The following NFATC1 variants were observed in gnomAD, a reference collection of about 807,000 sequenced individuals.
NFATC1 encodes the protein nuclear factor of activated T-cells, cytoplasmic 1.
NFATC1 carries 22 observed loss-of-function variants against 76.0 expected under a neutral mutation model. That is an observed-to-expected ratio of 0.29 (90% CI 0.21 to 0.41). NFATC1 has a LOEUF of 0.41. Ranked by LOEUF, NFATC1 falls within the 10% of genes least tolerant of loss-of-function variation. NFATC1 has a pLI of 1.00. For synonymous variants in NFATC1, 704 were observed against 613.1 expected (o/e 1.15, Z -2.19); for missense variants, 1,357 against 1,337.7 (o/e 1.01, Z -0.23).
rs1476888078 is a variant in NFATC1, at chr18:79,396,253, C to T, written c.29C>T (p.Ser10Phe). 1.3e-6 allele frequency: 2 copies of T among 1,496,740 alleles called. No homozygotes were observed. 92.7% of individuals were successfully genotyped at this position (1,496,740 alleles called of 1,614,324 possible). The stretch of plus-strand genomic sequence containing the variant: ...CCAAGCACCAGCTTTCCAGTCCCTT[C>T]CAAGTTTCCACTTGGCCCTGCGGCT... MPSTSFPVP[S>F]KFPLGPAAAV... is the part of the protein sequence containing the mutation. The change falls in exon 1 of 10, where the codon TCC (serine) becomes TTC (phenylalanine). Residue 10 changes from serine (S) to phenylalanine (F), a missense_variant. This residue lies in a region of NFATC1 where 691 missense variants were observed against 613.1 expected (regional missense o/e 1.13). Coordinates refer to ENST00000427363, the MANE Select transcript of NFATC1 (RefSeq NM_001278669.2).
chr18:79,438,944 G>A (rs1223777166), intron 3 of NFATC1, among the ~76,000 whole-genome samples: 1 of 152,240 alleles, frequency 6.6e-6, no homozygotes, highest in Non-Finnish European at 1.5e-5. Flanking sequence ...GACAGCTGAA[G>A]ACCAAGGAGT....
intron 2 of NFATC1, among the ~76,000 whole-genome samples, chr18:79,432,171 G>C (rs1437443935): frequency 1.3e-5 from 2 of 152,238 alleles, no homozygotes; most frequent in Admixed American, 1.3e-4. Context: ...ATGTCTCTGG[G>C]GCTTGTACTT....
chr18:79,472,014 C>T (rs1191484383), intron 8 of NFATC1, among the ~76,000 whole-genome samples: 1 of 152,214 alleles, frequency 6.6e-6, no homozygotes, highest in African/African-American at 2.4e-5. Context: ...CCATTACTTC[C>T]CTGTTTGCAA....
intron 8 of NFATC1, among the ~76,000 whole-genome samples, chr18:79,478,145 C>T (rs1457949755): frequency 6.8e-6 from 1 of 147,856 alleles, no homozygotes; most frequent in African/African-American, 2.5e-5. Context: ...CCAGGTGCTC[C>T]CTGTGCTGCA....
At chr18:79,458,926 T>C (rs11660937) in intron 6 of NFATC1, among the ~76,000 whole-genome samples, 62,375 of 152,130 alleles carry the variant, frequency 0.41, 14,515 homozygotes, top group African/African-American at 0.65. Context: ...ATACTATTGC[T>C]TTTGAAAGAC....
chr18:79,448,311 G>A (rs113739312), intron 3 of NFATC1: 129 of 168,466 alleles, frequency 7.7e-4, no homozygotes, highest in Middle Eastern at 5.9e-3. Context: ...GGGGCCCGTC[G>A]TGCTGTGTGT....
At chr18:79,500,582 A>G (rs2089991113) in intron 9 of NFATC1, among the ~76,000 whole-genome samples, 1 of 152,146 alleles carries the variant, frequency 6.6e-6, no homozygotes, top group South Asian at 2.1e-4. Flanking sequence ...AAATCAATAA[A>G]ACCAAAGTTA....
intron 6 of NFATC1, among the ~76,000 whole-genome samples, chr18:79,459,836 G>A (rs1040954761): frequency 1.3e-5 from 2 of 152,172 alleles, no homozygotes; most frequent in Non-Finnish European, 2.9e-5. Flanking sequence ...AAGTGGGGGT[G>A]GAGGGGCTTC....
intron 2 of NFATC1, among the ~76,000 whole-genome samples, chr18:79,419,521 C>T (rs953821022): frequency 6.6e-6 from 1 of 151,104 alleles, no homozygotes; most frequent in African/African-American, 2.4e-5. Flanking sequence ...GGGAGCCCCC[C>T]TAGGAGGGCC....
At chr18:79,488,670 G>A (rs928719554) in intron 9 of NFATC1, among the ~76,000 whole-genome samples, 2 of 152,222 alleles carry the variant, frequency 1.3e-5, no homozygotes, top group African/African-American at 2.4e-5. Context: ...GATGGACTCT[G>A]CCTTCCTCCC....
chr18:79,492,663 C>T (rs930895284), intron 9 of NFATC1, among the ~76,000 whole-genome samples: 4 of 151,396 alleles, frequency 2.6e-5, no homozygotes, highest in Non-Finnish European at 4.4e-5. Flanking sequence ...GAGCTGAGAT[C>T]GCGCCACTGC....
intron 8 of NFATC1, among the ~76,000 whole-genome samples, chr18:79,475,209 C>T (rs1042175307): frequency 2.0e-5 from 3 of 147,494 alleles, no homozygotes; most frequent in South Asian, 2.1e-4. Context: ...CGCTCACCGT[C>T]GACGTTGTAA....
At chr18:79,525,706 AGCTCCGCTG>A (rs757286435) in intron 9 of NFATC1, among the ~76,000 whole-genome samples, 2 of 151,828 alleles carry the variant, frequency 1.3e-5, no homozygotes, top group African/African-American at 2.4e-5. Flanking sequence ...TTTCTTTTGG[AGCTCCGCTG>A]GCCAGGGTTG....
chr18:79,506,190 G>A (rs774898299), intron 9 of NFATC1, among the ~76,000 whole-genome samples: 39 of 152,290 alleles, frequency 2.6e-4, no homozygotes, highest in African/African-American at 5.5e-4. Flanking sequence ...GCGGTTCGCC[G>A]TGGGGTCTGA....
In NFATC1 at chr18:79,396,207, C is replaced by A; in HGVS notation, c.-18C>A. 1 of 1,470,286 alleles carries A rather than the reference C, an allele frequency of 6.8e-7. No homozygotes were observed. Among genetic ancestry groups the A allele is most frequent in the South Asian group, 1.3e-5 (1 of 78,638 alleles). The allele number at this position is 1,470,286 out of a possible 1,614,324, so 91.1% of individuals were successfully genotyped here. Reference sequence around the variant, plus strand: ...TGTGCCTCCGCCCGCCGCTCCACTCCCCGCCGCCGCCGCGCGGATGCCAAG... The same window carrying A: ...TGTGCCTCCGCCCGCCGCTCCACTCACCGCCGCCGCCGCGCGGATGCCAAG... On this transcript the variant is annotated 5_prime_UTR_variant, in exon 1 of 10. Coordinates refer to ENST00000427363, the MANE Select transcript of NFATC1 (RefSeq NM_001278669.2).
Position 79,411,275 on chromosome 18 carries a change from A to G in NFATC1, c.1000A>G (p.Lys334Glu). The G allele has an allele frequency of 6.2e-7, 1 of 1,603,174 alleles. No homozygotes were observed. The highest frequency in any genetic ancestry group is 1.1e-5 in the South Asian group (1 of 91,026). Residue 334 changes from lysine to glutamate, a missense_variant, in exon 2 of 10, where the codon AAG (lysine) becomes GAG (glutamate). This residue lies in a region of NFATC1 where 691 missense variants were observed against 613.1 expected (regional missense o/e 1.13). Transcript: ENST00000427363. ...GGACCTGGGAGATGGCGTCCCTGTC[A>G]AGTCCCGCAAGACCACCCTGGAGCA... ...SLDLGDGVPV[K>E]SRKTTLEQPP...
Position 79,486,859 on chromosome 18 carries a change from G to A in NFATC1, c.2704G>A (p.Gly902Ser), listed in dbSNP as rs141937306. Reference protein sequence around the residue: ...PRLLPEVHEDGSPNLAPIPVT... With the variant: ...PRLLPEVHEDSSPNLAPIPVT... ...GCTGCTGCCAGAGGTGCATGAGGAC[G>A]GTAGTCCTAATTTGGCCCCTATTCC... Residue 902 changes from glycine to serine, a missense_variant, in exon 9 of 10, where the codon GGT becomes AGT. Transcript: ENST00000427363. 4.5e-5 allele frequency: 73 copies of A among 1,611,754 alleles called. No homozygotes were observed. The African/African-American group carries it at 5.7e-4, about 13-fold the overall frequency.
chr18:79,402,328 T>C lies in NFATC1; in HGVS notation c.127+5977T>C, dbSNP rs1016220534. ...CTGCTGGCATCGGATATGGGGACCC[T>C]GGTGAACATGGGGTCTCTCCTGACC... is the stretch of plus-strand genomic sequence containing the variant. On this transcript the variant is annotated intron_variant, in intron 1 of 9. Coordinates refer to ENST00000427363, the MANE Select transcript of NFATC1 (RefSeq NM_001278669.2). 6.1e-6 allele frequency: 6 copies of C among 985,282 alleles called. No homozygotes were observed. The African/African-American group carries it at 1.0e-4, about 17-fold the overall frequency. The allele number at this position is 985,282 out of a possible 1,614,324, so 61.0% of individuals were successfully genotyped here.
At chr18:79,416,955 T>G (rs2085898011) in intron 2 of NFATC1, among the ~76,000 whole-genome samples, 1 of 152,174 alleles carries the variant, frequency 6.6e-6, no homozygotes, top group Admixed American at 6.5e-5. Flanking sequence ...TGGGCTGGGC[T>G]GGCTCTGAAG....
Sources: allele counts gnomAD v4.1 joint callset (sites outside exome capture counted in the v4.1 genomes callset), GRCh38; gene constraint gnomAD v4.1.1; regional missense constraint gnomAD v4.1.1; transcripts MANE v1.5; gene names NCBI Gene and HGNC (gene_info 2026-07-23, HGNC 2026-07-21).